KLHL18: variants seen among roughly 807,000 people sequenced by gnomAD.
The protein encoded by KLHL18 is kelch-like protein 18.
In KLHL18, 38 loss-of-function variants were observed where a neutral mutation model predicts 58.5. The ratio of observed to expected loss-of-function variants is 0.65; its 90% CI spans 0.50 to 0.85. KLHL18 has a LOEUF of 0.85. Ranked by LOEUF, KLHL18 falls within the 40% of genes least tolerant of loss-of-function variation. The pLI is 0.00. For missense variants in KLHL18, 624 were observed against 778.4 expected (o/e 0.80, Z 2.36); for synonymous variants, 303 against 301.9 (o/e 1.00, Z -0.04).
chr3:47,292,333 G>GC (rs1702806549), intron 1 of KLHL18, among the ~76,000 whole-genome samples: 1 of 151,990 alleles, frequency 6.6e-6, no homozygotes, highest in Non-Finnish European at 1.5e-5. Flanking sequence ...AATTAGCCAG[G>GC]CGTGGTGTCG....
At chr3:47,341,424 A>G (rs1424684310) in intron 8 of KLHL18, among the ~76,000 whole-genome samples, 1 of 152,188 alleles carries the variant, frequency 6.6e-6, no homozygotes, top group Non-Finnish European at 1.5e-5. Flanking sequence ...TGGTTGGGCC[A>G]TGGGTTGCAT....
intron 1 of KLHL18, among the ~76,000 whole-genome samples, chr3:47,296,557 G>A (rs1013196679): frequency 4.6e-5 from 7 of 152,326 alleles, no homozygotes; most frequent in Admixed American, 2.0e-4. Context: ...GATAAATTCT[G>A]TAACTGCATA....
chr3:47,322,569 G>T lies in KLHL18; in HGVS notation c.262G>T (p.Ala88Ser), dbSNP rs770964560. Residue 88 changes from alanine to serine, a missense_variant and splice_region_variant, in exon 3 of 10, where the codon GCC becomes TCC. Transcript: ENST00000232766. ...EIVMQGMDPS[A>S]LEALINFAYN... ...CACAGCTTTCCCTCTTTCCTCTAGT[G>T]CCCTGGAGGCTCTGATCAACTTTGC... 72 of 1,600,074 alleles carry T rather than the reference G, an allele frequency of 4.5e-5. No individual in the cohort carries two copies. Among genetic ancestry groups the T allele is most frequent in the Non-Finnish European group, 5.7e-5 (67 of 1,173,862 alleles).
chr3:47,291,893 C>G (rs571308273), intron 1 of KLHL18, among the ~76,000 whole-genome samples: 31 of 152,344 alleles, frequency 2.0e-4, no homozygotes, highest in African/African-American at 7.5e-4. Flanking sequence ...TTTAGCATCT[C>G]ATTTGTAAAG....
rs372960191 is a variant in KLHL18, at chr3:47,325,395, C to T, written c.401+2687C>T. ...TGTACTTTTAGTAGAGACGGGGTTT[C>T]ACCATGTTAGCCAGGATGGTCTCGA... On this transcript the variant is annotated intron_variant, in intron 3 of 9. Transcript: ENST00000232766. Among the ~76,000 whole-genome samples, 132 of 152,186 alleles carry T rather than the reference C, an allele frequency of 8.7e-4. 2 individuals are homozygous for T. Among genetic ancestry groups the T allele is most frequent in the African/African-American group, 3.0e-3 (124 of 41,528 alleles).
intron 4 of KLHL18, among the ~76,000 whole-genome samples, chr3:47,331,222 G>A (rs1703851323): frequency 6.6e-6 from 1 of 151,980 alleles, no homozygotes; most frequent in Non-Finnish European, 1.5e-5. Flanking sequence ...TGCCTCCCGG[G>A]TTCAAGCAAT....
Position 47,322,598 on chromosome 3 carries a change from C to T in KLHL18, c.291C>T (p.Tyr97=). ...TGGAGGCTCTGATCAACTTTGCCTA[C>T]AACGGCAACCTTGCCATTGACCAGC... The part of the protein sequence containing the change: ...SALEALINFA[Y]NGNLAIDQQN... The change falls in exon 3 of 10, where the codon TAC becomes TAT. Residue 97 remains tyrosine, a synonymous_variant. Transcript: ENST00000232766. 1 of 1,607,172 alleles carries T rather than the reference C, an allele frequency of 6.2e-7. No homozygotes were observed.
At chr3:47,309,593 G>A (rs1703242962) in intron 1 of KLHL18, among the ~76,000 whole-genome samples, 3 of 152,222 alleles carry the variant, frequency 2.0e-5, no homozygotes, top group African/African-American at 4.8e-5. Flanking sequence ...CTTCCCAGAC[G>A]GGTTGGCGGC....
chr3:47,317,396 G>T (rs1353168339), intron 1 of KLHL18, among the ~76,000 whole-genome samples: 1 of 152,094 alleles, frequency 6.6e-6, no homozygotes, highest in Non-Finnish European at 1.5e-5. Flanking sequence ...TTACAGGTGT[G>T]AGCCACCATG....
intron 2 of KLHL18, among the ~76,000 whole-genome samples, chr3:47,320,118 G>A (rs1703551671): frequency 6.6e-6 from 1 of 150,962 alleles, no homozygotes; most frequent in South Asian, 2.1e-4. Context: ...AGTCATTTTA[G>A]CTGACAAAAC....
At chr3:47,342,482 G>A (rs1704130465) in intron 8 of KLHL18, among the ~76,000 whole-genome samples, 1 of 152,208 alleles carries the variant, frequency 6.6e-6, no homozygotes, top group Non-Finnish European at 1.5e-5. Flanking sequence ...GGAGAAAGAG[G>A]TCTTGTATGA....
At chr3:47,324,294 C>CTTTTTTTTTTTTTTTTTTTTTTTTT (rs1559498832) in intron 3 of KLHL18, among the ~76,000 whole-genome samples, 2 of 10,606 alleles carry the variant, frequency 1.9e-4, no homozygotes, top group Non-Finnish European at 2.8e-4. Flanking sequence ...CTTTTTCTTT[C>CTTTTTTTTTTTTTTTTTTTTTTTTT]TTTCTTTTTT....
chr3:47,290,546 C>A (rs768888617), intron 1 of KLHL18, among the ~76,000 whole-genome samples: 1 of 151,996 alleles, frequency 6.6e-6, no homozygotes, highest in Non-Finnish European at 1.5e-5. Context: ...ACTGCAGCGT[C>A]GAAATCCCTG....
rs190410777 is a variant in KLHL18, at chr3:47,298,252, C to T, written c.129+15158C>T. 2.0e-5 allele frequency among the ~76,000 whole-genome samples: 3 copies of T among 150,244 alleles called. No individual in the cohort carries two copies. In the East Asian group the frequency reaches 5.9e-4, roughly 30 times the overall value. Reference sequence around the variant, plus strand: ...AAAATTGGCCAGGTACCTATAGTCCCGGCTACTTGGGAGGATCACTTAAGC... The same window carrying T: ...AAAATTGGCCAGGTACCTATAGTCCTGGCTACTTGGGAGGATCACTTAAGC... On this transcript the variant is annotated intron_variant, in intron 1 of 9. Transcript: ENST00000232766.
chr3:47,346,128 G>A lies in KLHL18; in HGVS notation c.*2187G>A, dbSNP rs1166608247. On this transcript the variant is annotated 3_prime_UTR_variant, in exon 10 of 10. Coordinates refer to ENST00000232766, the MANE Select transcript of KLHL18 (RefSeq NM_025010.5). ...GCACCAACAAGCCTGGATTGTGAAG[G>A]TATTAAGAATCGGTCTGTGGGCTAC... is the stretch of plus-strand genomic sequence containing the variant. 2.6e-5 allele frequency: 4 copies of A among 152,546 alleles called. No homozygotes were observed. The highest frequency in any genetic ancestry group is 5.9e-5 in the Non-Finnish European group (4 of 68,050). 9.4% of individuals were successfully genotyped at this position (152,546 alleles called of 1,614,324 possible).
chr3:47,317,463 C>T (rs972580567), intron 1 of KLHL18, among the ~76,000 whole-genome samples: 6 of 151,972 alleles, frequency 3.9e-5, no homozygotes, highest in South Asian at 4.2e-4. Context: ...AAGAGGACTA[C>T]GTGGGGTTCA....
Position 47,336,567 on chromosome 3 carries a change from C to A in KLHL18, c.931C>A (p.Pro311Thr), listed in dbSNP as rs1703989290. 2 of 1,613,992 alleles carry A rather than the reference C, an allele frequency of 1.2e-6. No homozygotes were observed. Among genetic ancestry groups the A allele is most frequent in the South Asian group, 1.1e-5 (1 of 91,090 alleles). Residue 311 changes from proline to threonine, a missense_variant, in exon 7 of 10, where the codon CCC (proline) becomes ACC (threonine). Physicochemically the swap from Pro to Thr is conservative, Grantham distance 38. Coordinates refer to ENST00000232766, the MANE Select transcript of KLHL18 (RefSeq NM_025010.5). ...DSLNVVEVFDPIANCWERCRP... is the reference protein window; with the variant it reads ...DSLNVVEVFDTIANCWERCRP... ...CCTGAATGTGGTGGAAGTGTTCGAC[C>A]CCATTGCCAATTGCTGGGAGAGATG...
intron 1 of KLHL18, among the ~76,000 whole-genome samples, chr3:47,302,516 G>A (rs1703050134): frequency 2.0e-5 from 3 of 152,222 alleles, no homozygotes; most frequent in Middle Eastern, 6.8e-3. Flanking sequence ...ATAAGGAAGA[G>A]AAAATATATT....
Position 47,343,451 on chromosome 3 carries a change from C to G in KLHL18, c.1339-104C>G, listed in dbSNP as rs1280379417. The G allele has an allele frequency of 2.2e-6, 3 of 1,349,526 alleles. No homozygotes were observed. The African/African-American group carries it at 4.4e-5, about 20-fold the overall frequency. The allele number at this position is 1,349,526 out of a possible 1,614,324, so 83.6% of individuals were successfully genotyped here. A position where few individuals can be genotyped will look rare whatever the true frequency, so the allele number is the denominator to read the frequency against. ...GAGCTCCTTGTCCCCATACCTCCCACAGGAGTTTGACATCATGGGGGGCTG... is the reference window on the plus strand; with the variant it reads ...GAGCTCCTTGTCCCCATACCTCCCAGAGGAGTTTGACATCATGGGGGGCTG... On this transcript the variant is annotated intron_variant, in intron 9 of 9. Transcript: ENST00000232766.
Sources: gnomAD v4.1 joint callset for allele counts (sites outside exome capture counted in the v4.1 genomes callset) on GRCh38, gnomAD v4.1.1 for gene constraint, MANE v1.5 for transcripts, NCBI Gene and HGNC (gene_info 2026-07-23, HGNC 2026-07-21) for gene names.